The following TBC1D12 variants were observed in gnomAD, a reference collection of about 807,000 sequenced individuals.
The protein encoded by TBC1D12 is TBC1 domain family member 12.
In TBC1D12, 56 loss-of-function variants were observed where a neutral mutation model predicts 86.7. That is an observed-to-expected ratio of 0.65 (90% CI 0.52 to 0.81). The LOEUF (loss-of-function observed/expected upper bound fraction) is 0.81. TBC1D12 is among the 30% of genes least tolerant of loss of function. The probability of loss-of-function intolerance (pLI) is 0.00; values close to 1 mark genes in which losing one functional copy is unlikely to be tolerated. For missense variants in TBC1D12, 1,023 were observed against 1,038.8 expected, an observed-to-expected ratio of 0.98 and a Z score of 0.21; for synonymous variants, 421 against 411.7, an observed-to-expected ratio of 1.02 and a Z score of -0.27.
chr10:94,462,804 A>G (rs1230340307), intron 2 of TBC1D12, among the ~76,000 whole-genome samples: 3 of 151,940 alleles, frequency 2.0e-5, no homozygotes, highest in African/African-American at 4.8e-5. Flanking sequence ...TCTCTTTTTC[A>G]TTCATCAGTT....
intron 1 of TBC1D12, 49 bp from the exon 2 acceptor site, chr10:94,441,847 G>A (rs772303928): frequency 3.8e-6 from 6 of 1,583,864 alleles, no homozygotes; most frequent in South Asian, 1.2e-5. Context: ...CTGTTAAATA[G>A]CTCTCTGGTT....
intron 2 of TBC1D12, among the ~76,000 whole-genome samples, chr10:94,457,935 T>C (rs1286390838): frequency 6.6e-6 from 1 of 152,114 alleles, no homozygotes; most frequent in Non-Finnish European, 1.5e-5. Flanking sequence ...AACAAAACAT[T>C]CCTAATTCCT....
At chr10:94,427,295 A>G (rs561164221) in intron 1 of TBC1D12, among the ~76,000 whole-genome samples, 4 of 152,014 alleles carry the variant, frequency 2.6e-5, no homozygotes, top group East Asian at 1.9e-4. Flanking sequence ...TTTCCTTATT[A>G]CCGCTTGTGT....
At chr10:94,504,241 A>G (rs2056434317) in intron 6 of TBC1D12, among the ~76,000 whole-genome samples, 1 of 152,232 alleles carries the variant, frequency 6.6e-6, no homozygotes, top group South Asian at 2.1e-4. Context: ...ATTTTTATTG[A>G]TAACTGGCTT....
chr10:94,530,854 CTTTTTTTTTT>C (rs71031584), intron 11 of TBC1D12, among the ~76,000 whole-genome samples: 1 of 102,662 alleles, frequency 9.7e-6, no homozygotes, highest in Non-Finnish European at 1.9e-5. Context: ...GGGAGGAAGC[CTTTTTTTTTT>C]TTTTTTTTTT....
At chr10:94,455,322 T>G (rs923425035) in intron 2 of TBC1D12, among the ~76,000 whole-genome samples, 1 of 152,204 alleles carries the variant, frequency 6.6e-6, no homozygotes, top group Non-Finnish European at 1.5e-5. Context: ...GCATTTATGT[T>G]TATAAGAGAT....
chr10:94,408,759 C>CAA (rs949663237), intron 1 of TBC1D12, among the ~76,000 whole-genome samples: 2 of 151,678 alleles, frequency 1.3e-5, no homozygotes, highest in African/African-American at 2.4e-5. Flanking sequence ...GTGAGTTTCT[C>CAA]AAAAAAAATT....
At position 94,493,504 on chromosome 10, in the gene TBC1D12, G is replaced by A. The variant is rs931424373; in HGVS notation, c.1294+57G>A. ...TCTGATTTTAATAAGAAGATGGATG[G>A]TAAAATTCATCAAGTCTGTCTTCAA... On this transcript the variant is annotated intron_variant, in intron 4 of 12. Coordinates refer to ENST00000225235, the MANE Select transcript of TBC1D12 (RefSeq NM_015188.2). 3.3e-6 allele frequency: 4 copies of A among 1,203,720 alleles called. No homozygotes were observed. The Admixed American group carries it at 8.3e-5, about 25-fold the overall frequency. 74.6% of individuals were successfully genotyped at this position (1,203,720 alleles called of 1,614,324 possible). A position where few individuals can be genotyped will look rare whatever the true frequency, so the allele number is the denominator to read the frequency against.
At chr10:94,427,728 A>T (rs868500518) in intron 1 of TBC1D12, among the ~76,000 whole-genome samples, 14 of 145,658 alleles carry the variant, frequency 9.6e-5, no homozygotes, top group African/African-American at 3.5e-4. Context: ...GCTACTTAGG[A>T]GGCTGAGGCA....
chr10:94,446,572 T>G (rs1046324026), intron 2 of TBC1D12, among the ~76,000 whole-genome samples: 10 of 150,882 alleles, frequency 6.6e-5, no homozygotes, highest in East Asian at 5.8e-4. Context: ...AATTTTTTTT[T>G]GGAATGTGGG....
intron 5 of TBC1D12, 55 bp downstream of exon 5, chr10:94,497,227 CTT>C (rs557817813): frequency 1.6e-3 from 1,183 of 750,238 alleles, no homozygotes; most frequent in East Asian, 2.3e-3. Context: ...TCTCATGTTT[CTT>C]TTTTTTTTTT....
intron 2 of TBC1D12, among the ~76,000 whole-genome samples, chr10:94,448,364 A>G (rs1444431927): frequency 2.0e-5 from 3 of 152,192 alleles, no homozygotes; most frequent in African/African-American, 7.2e-5. Flanking sequence ...ATTGGTTTTA[A>G]TTATGCTTAA....
At chr10:94,445,903 G>A (rs1279598007) in intron 2 of TBC1D12, among the ~76,000 whole-genome samples, 3 of 151,760 alleles carry the variant, frequency 2.0e-5, no homozygotes, top group Admixed American at 1.3e-4. Context: ...AGCCAAGGTC[G>A]TGCCCTTGCA....
chr10:94,525,726 A>G (rs897960059), intron 11 of TBC1D12, among the ~76,000 whole-genome samples: 1 of 151,578 alleles, frequency 6.6e-6, no homozygotes, highest in Non-Finnish European at 1.5e-5. Context: ...TGTATATTAC[A>G]TTTTCTAAAA....
chr10:94,531,639 C>CTTATTTTATT lies in TBC1D12; in HGVS notation c.2259+219_2259+228dup, dbSNP rs1202906270. On this transcript the variant is annotated intron_variant, in intron 12 of 12. Coordinates refer to ENST00000225235, the MANE Select transcript of TBC1D12 (RefSeq NM_015188.2). ...ACTTTGCAGCTATCCAAACATAGGG[C>CTTATTTTATT]TTATTTTATTTTATTTTATTTTATT... 9.4e-3 allele frequency among the ~76,000 whole-genome samples: 1,142 copies of CTTATTTTATT among 121,298 alleles called. 25 individuals carry two copies. The highest frequency in any genetic ancestry group is 0.012 in the East Asian group (52 of 4,172). 79.6% of individuals were successfully genotyped at this position (121,298 alleles called of 152,430 possible).
At chr10:94,500,033 A>G (rs1375595133) in intron 5 of TBC1D12, among the ~76,000 whole-genome samples, 188 bp from the exon 6 acceptor site, 2 of 152,172 alleles carry the variant, frequency 1.3e-5, no homozygotes, top group Admixed American at 6.5e-5. Flanking sequence ...TTGGGATCCT[A>G]TACATCTTGT....
At chr10:94,525,266 G>A (rs553347321) in intron 11 of TBC1D12, among the ~76,000 whole-genome samples, 1 of 152,134 alleles carries the variant, frequency 6.6e-6, no homozygotes, top group South Asian at 2.1e-4. Flanking sequence ...TCATAGTGAA[G>A]GTCGAATCAT....
chr10:94,504,203 T>C (rs1371334917), intron 6 of TBC1D12, among the ~76,000 whole-genome samples: 1 of 152,232 alleles, frequency 6.6e-6, no homozygotes, highest in East Asian at 1.9e-4. Context: ...TAATGAGGTA[T>C]TGATGGTTAT....
intron 1 of TBC1D12, among the ~76,000 whole-genome samples, chr10:94,405,049 A>C (rs1203718466): frequency 6.7e-6 from 1 of 149,590 alleles, no homozygotes; most frequent in Non-Finnish European, 1.5e-5. Context: ...CTTCTCTCAA[A>C]AAAAAAAAAA....
Sources: allele counts gnomAD v4.1 joint callset (sites outside exome capture counted in the v4.1 genomes callset), GRCh38; gene constraint gnomAD v4.1.1; transcripts MANE v1.5; gene names NCBI Gene and HGNC (gene_info 2026-07-23, HGNC 2026-07-21).